PRRC2C: variants seen among roughly 807,000 people sequenced by gnomAD.
PRRC2C encodes proline rich coiled-coil 2C.
Under a neutral mutation model 317.2 loss-of-function variants are expected in PRRC2C, and 72 were observed. That is an observed-to-expected ratio of 0.23 (90% CI 0.19 to 0.28). The LOEUF (loss-of-function observed/expected upper bound fraction) is 0.28. Among genes scored for constraint, PRRC2C ranks in the 10% least tolerant of loss-of-function variants. PRRC2C has a pLI of 1.00. For missense variants in PRRC2C, 3,074 were observed against 3,459.7 expected, an observed-to-expected ratio of 0.89 and a Z score of 2.80; for synonymous variants, 1,296 against 1,205.9, an observed-to-expected ratio of 1.07 and a Z score of -1.55.
At chr1:171,502,275 G>A (rs1055124503) in intron 1 of PRRC2C, among the ~76,000 whole-genome samples, 1 of 152,234 alleles carries the variant, frequency 6.6e-6, no homozygotes, top group African/African-American at 2.4e-5. Context: ...ACAGTTTAGA[G>A]ACACTTGGGG....
At chr1:171,584,225 T>A in intron 29 of PRRC2C, 38 bp downstream of exon 29, 1 of 1,511,116 alleles carries the variant, frequency 6.6e-7, no homozygotes, top group Non-Finnish European at 9.1e-7. Flanking sequence ...CCTCATTGTA[T>A]TCCTATGCCA....
intron 11 of PRRC2C, among the ~76,000 whole-genome samples, chr1:171,530,794 T>C (rs1557928442): frequency 1.3e-5 from 2 of 152,202 alleles, no homozygotes; most frequent in African/African-American, 4.8e-5. Flanking sequence ...GGCACCCTTA[T>C]ACATTGGAAA....
chr1:171,508,600 G>A (rs1302037284), intron 1 of PRRC2C, among the ~76,000 whole-genome samples: 3 of 152,200 alleles, frequency 2.0e-5, no homozygotes, highest in Non-Finnish European at 4.4e-5. Flanking sequence ...GATGGCTAGA[G>A]TTAAATCGGA....
At chr1:171,572,003 C>CT (rs879350501) in intron 24 of PRRC2C, among the ~76,000 whole-genome samples, 166 of 148,700 alleles carry the variant, frequency 1.1e-3, no homozygotes, top group Middle Eastern at 6.8e-3. Flanking sequence ...ATGTTTTGGC[C>CT]TTTTTTTTTA....
chr1:171,585,314 G>A (rs1031100327), intron 30 of PRRC2C, among the ~76,000 whole-genome samples: 2 of 152,238 alleles, frequency 1.3e-5, no homozygotes, highest in African/African-American at 2.4e-5. Flanking sequence ...GACTGTGATC[G>A]AGCATAAATG....
At chr1:171,537,199 C>T (rs1421653353) in intron 14 of PRRC2C, 64 bp from the exon 15 acceptor site, 6 of 1,255,668 alleles carry the variant, frequency 4.8e-6, no homozygotes, top group Non-Finnish European at 6.8e-6. Flanking sequence ...CTATGTCTAT[C>T]ATGGTTTTGT....
intron 1 of PRRC2C, among the ~76,000 whole-genome samples, chr1:171,505,912 A>G (rs1670087199): frequency 6.6e-6 from 1 of 152,214 alleles, no homozygotes; most frequent in African/African-American, 2.4e-5. Flanking sequence ...GTTTCGATAT[A>G]CAAATATTTC....
intron 31 of PRRC2C, 96 bp downstream of exon 31, chr1:171,587,317 G>A: frequency 8.7e-7 from 1 of 1,143,518 alleles, no homozygotes; most frequent in South Asian, 1.6e-5. Flanking sequence ...AAATGCGTCA[G>A]TTTTTACCAC....
chr1:171,540,246 T>C lies in PRRC2C; in HGVS notation c.2780T>C (p.Val927Ala). The C allele has an allele frequency of 6.2e-7, 1 of 1,613,762 alleles. No homozygotes were observed. Among genetic ancestry groups the C allele is most frequent in the East Asian group, 2.2e-5 (1 of 44,862 alleles). Residue 927 changes from valine (V) to alanine (A), a missense_variant, in exon 16 of 35, where the codon GTT becomes GCT. This residue lies in a region of PRRC2C where 1,320 missense variants were observed against 1,395.7 expected (regional missense o/e 0.95). Transcript: ENST00000647382. ...VESQPSRKRSVSHGSNHTQKP... is the reference protein window; with the variant it reads ...VESQPSRKRSASHGSNHTQKP... ...AGTCAGCCTTCCCGGAAAAGAAGTGTTTCCCATGGATCTAACCATACGCAA... is the reference window on the plus strand; with the variant it reads ...AGTCAGCCTTCCCGGAAAAGAAGTGCTTCCCATGGATCTAACCATACGCAA...
intron 27 of PRRC2C, 69 bp downstream of exon 27, chr1:171,579,535 G>T: frequency 6.5e-7 from 1 of 1,544,006 alleles, no homozygotes. Context: ...TAGTTATCTT[G>T]GAACATAAAT....
Position 171,487,344 on chromosome 1 carries a change from T to C in PRRC2C, c.-58+1609T>C, listed in dbSNP as rs190705453. 8.0e-4 allele frequency among the ~76,000 whole-genome samples: 122 copies of C among 152,368 alleles called. 1 individual carries two copies. Among genetic ancestry groups the C allele is most frequent in the Non-Finnish European group, 2.4e-4 (16 of 68,030 alleles). On this transcript the variant is annotated intron_variant, in intron 1 of 34. Transcript: ENST00000647382. Reference sequence around the variant, plus strand: ...TACTGTCTGAACCCAAAGGGGATGCTCTAAACCTTCAACCTGCTTTTTAAA... The same window carrying C: ...TACTGTCTGAACCCAAAGGGGATGCCCTAAACCTTCAACCTGCTTTTTAAA...
intron 24 of PRRC2C, 44 bp downstream of exon 24, chr1:171,571,465 C>A: frequency 7.3e-7 from 1 of 1,370,356 alleles, no homozygotes; most frequent in Non-Finnish European, 1.0e-6. Context: ...TTGTTGCATG[C>A]AAGGGGACAT....
At chr1:171,586,016 A>C in intron 30 of PRRC2C, among the ~76,000 whole-genome samples, 1 of 150,982 alleles carries the variant, frequency 6.6e-6, no homozygotes, top group Non-Finnish European at 1.5e-5. Context: ...ATGAAACAGA[A>C]GTTCTGACCT....
chr1:171,555,360 C>T (rs908328589), intron 18 of PRRC2C, among the ~76,000 whole-genome samples: 1 of 152,148 alleles, frequency 6.6e-6, no homozygotes, highest in Admixed American at 6.5e-5. Flanking sequence ...GTTAGCCATT[C>T]GTCTAATCTT....
chr1:171,525,709 C>A (rs7535195), intron 10 of PRRC2C, among the ~76,000 whole-genome samples: 122,534 of 152,092 alleles, frequency 0.81, 49,484 homozygotes, highest in Middle Eastern at 0.9. Context: ...ATTCTTTGAG[C>A]ATTCATTTAA....
intron 30 of PRRC2C, among the ~76,000 whole-genome samples, chr1:171,584,967 G>A (rs1233571137): frequency 6.6e-6 from 1 of 151,980 alleles, no homozygotes; most frequent in Admixed American, 6.6e-5. Context: ...GTAGAGACAG[G>A]GTTTTGCCAT....
chr1:171,513,006 C>T lies in PRRC2C; in HGVS notation c.124C>T (p.His42Tyr). 1.2e-6 allele frequency: 2 copies of T among 1,603,906 alleles called. No individual in the cohort carries two copies. The highest frequency in any genetic ancestry group is 1.7e-6 in the Non-Finnish European group (2 of 1,176,192). The change falls in exon 3 of 35, where the codon CAT becomes TAT. Residue 42 changes from histidine to tyrosine, a missense_variant. Physicochemically the swap from His to Tyr is moderately conservative, Grantham distance 83. Around this residue, in one of 11 missense-constraint regions of PRRC2C, gnomAD observed 71 missense variants for 118.9 expected, o/e 0.60. Transcript: ENST00000647382. ...TTATTGATCTTTAGTTGCAGCTCGACATGGATTACAGAGTCTTGGAAAAGT... is the reference window on the plus strand; with the variant it reads ...TTATTGATCTTTAGTTGCAGCTCGATATGGATTACAGAGTCTTGGAAAAGT... Reference protein sequence around the residue: ...ETQKTTVAARHGLQSLGKVGI... With the variant: ...ETQKTTVAARYGLQSLGKVGI...
chr1:171,552,401 T>C (rs1274681833), intron 18 of PRRC2C, among the ~76,000 whole-genome samples: 1 of 152,218 alleles, frequency 6.6e-6, no homozygotes, highest in Admixed American at 6.5e-5. Context: ...AGTCATGTCA[T>C]CTGCAAACAG....
chr1:171,541,343 G>C lies in PRRC2C; in HGVS notation c.3877G>C (p.Glu1293Gln). ...LSKGKLPKRE[E>Q]RPENKKPVKP... Reference sequence around the variant, plus strand: ...TAAAGGCAAACTTCCCAAAAGAGAGGAACGGCCTGAAAACAAAAAACCTGT... The same window carrying C: ...TAAAGGCAAACTTCCCAAAAGAGAGCAACGGCCTGAAAACAAAAAACCTGT... The change falls in exon 16 of 35, where the codon GAA becomes CAA. Residue 1293 changes from glutamate to glutamine, a missense_variant. This residue lies in a region of PRRC2C where 1,320 missense variants were observed against 1,395.7 expected (regional missense o/e 0.95). Coordinates refer to ENST00000647382, the MANE Select transcript of PRRC2C (RefSeq NM_001387844.1). This position sits in a 1 kb window ranked among gnomAD's most constrained non-coding sequence, Gnocchi z 4.1. 6.2e-7 allele frequency: 1 copy of C among 1,612,106 alleles called. No homozygotes were observed. The highest frequency in any genetic ancestry group is 8.5e-7 in the Non-Finnish European group (1 of 1,179,452).
Sources: allele counts gnomAD v4.1 joint callset (sites outside exome capture counted in the v4.1 genomes callset), GRCh38; gene constraint gnomAD v4.1.1; regional missense constraint gnomAD v4.1.1; non-coding constraint Gnocchi (gnomAD v3.1); transcripts MANE v1.5; gene names NCBI Gene and HGNC (gene_info 2026-07-23, HGNC 2026-07-21).